CSMD1: variants seen among roughly 807,000 people sequenced by gnomAD.
The protein encoded by CSMD1 is CUB and Sushi multiple domains 1, also known as CUB and sushi domain-containing protein 1.
A neutral mutation model predicts 417.5 loss-of-function variants in CSMD1; 213 were observed. The observed-to-expected ratio is 0.51, with a 90% CI of 0.46 to 0.57. The LOEUF is 0.57. Ranked by LOEUF, CSMD1 falls within the 20% of genes least tolerant of loss-of-function variation. The pLI is 0.00. For synonymous variants in CSMD1, 2,862 were observed against 1,736.8 expected (o/e 1.65, Z -16.11); for missense variants, 6,923 against 4,529.7 (o/e 1.53, Z -15.17).
At chr8:4,334,026 G>A (rs1800020967) in intron 3 of CSMD1, among the ~76,000 whole-genome samples, 1 of 151,904 alleles carries the variant, frequency 6.6e-6, no homozygotes, top group African/African-American at 2.4e-5. Flanking sequence ...GAGTACCTGG[G>A]ACCACAGGCA....
At chr8:3,566,939 G>A (rs919078246) in intron 10 of CSMD1, among the ~76,000 whole-genome samples, 2 of 152,176 alleles carry the variant, frequency 1.3e-5, no homozygotes, top group African/African-American at 4.8e-5. Flanking sequence ...ATACCCAAAA[G>A]AATATAAATT....
chr8:3,566,625 A>G (rs1385170211), intron 10 of CSMD1, among the ~76,000 whole-genome samples: 1 of 152,220 alleles, frequency 6.6e-6, no homozygotes, highest in African/African-American at 2.4e-5. Flanking sequence ...AAAGATATGA[A>G]CAGACACTTT....
At chr8:2,944,634 C>A (rs962475237) in intron 68 of CSMD1, among the ~76,000 whole-genome samples, 6 of 152,062 alleles carry the variant, frequency 3.9e-5, no homozygotes, top group Non-Finnish European at 7.4e-5. Context: ...CCTCTTGACT[C>A]CTCAGAACCT....
In CSMD1 at chr8:3,469,369, G is replaced by T. The variant is rs76801089; in HGVS notation, c.1449-545C>A. On this transcript the variant is annotated intron_variant, in intron 11 of 69. Transcript: ENST00000635120. Reference sequence around the variant, plus strand: ...TATTATAGGTAATTATACATTAAGAGAATTTTGAAAAGAACAACATGCATA... The same window carrying T: ...TATTATAGGTAATTATACATTAAGATAATTTTGAAAAGAACAACATGCATA... Among the ~76,000 whole-genome samples, 1,093 of 152,190 alleles carry T rather than the reference G, an allele frequency of 7.2e-3. 13 individuals carry two copies. The highest frequency in any genetic ancestry group is 0.024 in the African/African-American group (1,003 of 41,508).
intron 3 of CSMD1, among the ~76,000 whole-genome samples, chr8:4,094,273 G>A (rs576307909): frequency 6.6e-6 from 1 of 152,224 alleles, no homozygotes; most frequent in South Asian, 2.1e-4. Flanking sequence ...GTGATCTACT[G>A]GGGGAGGCGG....
intron 1 of CSMD1, among the ~76,000 whole-genome samples, chr8:4,827,358 A>G (rs1799893462): frequency 6.6e-6 from 1 of 152,162 alleles, no homozygotes; most frequent in Admixed American, 6.6e-5. Context: ...ACTAAGACAC[A>G]CAAAGCCCAG....
At chr8:3,027,082 T>C (rs1013969465) in intron 51 of CSMD1, among the ~76,000 whole-genome samples, 1 of 152,122 alleles carries the variant, frequency 6.6e-6, no homozygotes, top group Non-Finnish European at 1.5e-5. Flanking sequence ...AAAAAAAGAT[T>C]GACAAGCCCT....
chr8:4,235,336 C>G (rs1295841911), intron 3 of CSMD1, among the ~76,000 whole-genome samples: 1 of 150,984 alleles, frequency 6.6e-6, no homozygotes, highest in Non-Finnish European at 1.5e-5. Flanking sequence ...GCCATTCATA[C>G]TCATTAATCA....
At chr8:3,759,680 G>C (rs1033521088) in intron 5 of CSMD1, among the ~76,000 whole-genome samples, 10 of 150,848 alleles carry the variant, frequency 6.6e-5, no homozygotes, top group African/African-American at 1.5e-4. Context: ...GACCACCTGA[G>C]GTCAGGAGTT....
At chr8:4,947,597 C>G (rs1450086102) in intron 1 of CSMD1, among the ~76,000 whole-genome samples, 1 of 151,916 alleles carries the variant, frequency 6.6e-6, no homozygotes, top group East Asian at 1.9e-4. Context: ...ATTTTCTTCC[C>G]CTACATGTAA....
intron 8 of CSMD1, among the ~76,000 whole-genome samples, chr8:3,590,475 C>G: frequency 6.6e-6 from 1 of 152,090 alleles, no homozygotes; most frequent in Non-Finnish European, 1.5e-5. Context: ...CAGTGGAGAG[C>G]GGAGGATTGC....
chr8:3,262,581 C>T (rs1801160237), intron 26 of CSMD1, among the ~76,000 whole-genome samples: 1 of 151,684 alleles, frequency 6.6e-6, no homozygotes, highest in Non-Finnish European at 1.5e-5. Context: ...CAAAGATTCC[C>T]TGTTAAAACC....
At chr8:4,660,230 C>G (rs12680763) in intron 1 of CSMD1, among the ~76,000 whole-genome samples, 1,832 of 151,806 alleles carry the variant, frequency 0.012, 42 homozygotes, top group East Asian at 0.1. Flanking sequence ...AGGAATCTAC[C>G]AAGAAATTCC....
At chr8:4,705,419 AC>A (rs1366967668) in intron 1 of CSMD1, among the ~76,000 whole-genome samples, 2 of 151,934 alleles carry the variant, frequency 1.3e-5, no homozygotes, top group Non-Finnish European at 2.9e-5. Context: ...AAGACACAAA[AC>A]CCTAATCCCC....
intron 5 of CSMD1, among the ~76,000 whole-genome samples, chr8:3,778,460 G>T (rs961741399): frequency 6.6e-6 from 1 of 152,156 alleles, no homozygotes; most frequent in Non-Finnish European, 1.5e-5. Context: ...AGGTGCCCTC[G>T]CCTTACAAGG....
At chr8:4,453,970 C>G (rs947485765) in intron 2 of CSMD1, among the ~76,000 whole-genome samples, 1 of 151,312 alleles carries the variant, frequency 6.6e-6, no homozygotes, top group Admixed American at 6.6e-5. Context: ...TACAGGCGCC[C>G]GCCACCGCGC....
intron 3 of CSMD1, among the ~76,000 whole-genome samples, chr8:4,229,545 TA>T (rs1272567726): frequency 6.6e-6 from 1 of 152,196 alleles, no homozygotes; most frequent in African/African-American, 2.4e-5. Flanking sequence ...TTCTCACACT[TA>T]CCCAGCATTC....
At chr8:3,113,750 A>G (rs1241259942) in intron 42 of CSMD1, among the ~76,000 whole-genome samples, 2 of 152,324 alleles carry the variant, frequency 1.3e-5, no homozygotes, top group East Asian at 3.9e-4. Context: ...CTCAGGTGTG[A>G]AGCCACAGCT....
At chr8:4,078,312 A>C (rs1160417073) in intron 3 of CSMD1, among the ~76,000 whole-genome samples, 1 of 136,198 alleles carries the variant, frequency 7.3e-6, no homozygotes, top group East Asian at 2.0e-4. Context: ...TTGATATCCA[A>C]CTTTTTTTTT....
Sources: allele counts gnomAD v4.1 joint callset (sites outside exome capture counted in the v4.1 genomes callset), GRCh38; gene constraint gnomAD v4.1.1; transcripts MANE v1.5; gene names NCBI Gene and HGNC (gene_info 2026-07-23, HGNC 2026-07-21).